Variants in REDIC1 observed in about 807,000 individuals in gnomAD.
The protein encoded by REDIC1 is HEI10 Interacting Protein 1.
the REDIC1 span, among the ~76,000 whole-genome samples, chr12:39,746,337 G>A: frequency 6.6e-6 from 1 of 152,186 alleles, no homozygotes; most frequent in East Asian, 1.9e-4. Context: ...CTCACTCATT[G>A]CTCACTGAGA....
the REDIC1 span, among the ~76,000 whole-genome samples, chr12:39,711,229 A>T: frequency 2.7e-3 from 401 of 149,540 alleles, no homozygotes; most frequent in African/African-American, 9.3e-3. Flanking sequence ...TTAATCTACC[A>T]TATATATATA....
chr12:39,646,865 A>C, the REDIC1 span: 1 of 1,599,468 alleles, frequency 6.3e-7, no homozygotes, highest in Non-Finnish European at 8.5e-7. Flanking sequence ...ACTAAGTAGC[A>C]AGGAAGATCT....
At chr12:39,739,577 G>A in the REDIC1 span, among the ~76,000 whole-genome samples, 602 of 152,248 alleles carry the variant, frequency 4.0e-3, 4 homozygotes, top group African/African-American at 0.014. Context: ...TTTTGGCTGG[G>A]ATGCTCAAGG....
chr12:39,633,711 T>C, the REDIC1 span, among the ~76,000 whole-genome samples: 1 of 152,174 alleles, frequency 6.6e-6, no homozygotes, highest in Non-Finnish European at 1.5e-5. Context: ...AATCACTAGA[T>C]GATAGGAAGG....
chr12:39,759,753 T>C, the REDIC1 span: 1 of 371,946 alleles, frequency 2.7e-6, no homozygotes, highest in Non-Finnish European at 4.9e-6. Context: ...GGGTACAATA[T>C]TCATTTTAGA....
chr12:39,797,740 A>G, the REDIC1 span, among the ~76,000 whole-genome samples: 172 of 131,474 alleles, frequency 1.3e-3, 2 homozygotes, highest in Middle Eastern at 8.2e-3. Flanking sequence ...ACACACACAC[A>G]CACACACACA....
chr12:39,675,805 C>T, the REDIC1 span, among the ~76,000 whole-genome samples: 1 of 152,142 alleles, frequency 6.6e-6, no homozygotes, highest in African/African-American at 2.4e-5. Flanking sequence ...TAGACATTAC[C>T]CAGCACCAAC....
At chr12:39,691,592 C>G in the REDIC1 span, among the ~76,000 whole-genome samples, 107 of 152,020 alleles carry the variant, frequency 7.0e-4, no homozygotes, top group Non-Finnish European at 1.3e-3. Flanking sequence ...AAATAAAGTA[C>G]AAATTACATA....
At chr12:39,880,044 A>ACT in the REDIC1 span, among the ~76,000 whole-genome samples, 7 of 150,618 alleles carry the variant, frequency 4.6e-5, no homozygotes, top group African/African-American at 7.3e-5. Flanking sequence ...CTCACCCTGC[A>ACT]CTCTCTCTCT....
At chr12:39,720,032 T>G in the REDIC1 span, among the ~76,000 whole-genome samples, 3 of 152,120 alleles carry the variant, frequency 2.0e-5, no homozygotes, top group Admixed American at 2.0e-4. Context: ...TTATATAAGA[T>G]TTTCATTAAA....
At chr12:39,627,366 G>A in the REDIC1 span, among the ~76,000 whole-genome samples, 1 of 152,262 alleles carries the variant, frequency 6.6e-6, no homozygotes, top group East Asian at 1.9e-4. Flanking sequence ...GTTGATACAT[G>A]CTTATAATGT....
At chr12:39,743,692 G>A in the REDIC1 span, among the ~76,000 whole-genome samples, 3 of 152,152 alleles carry the variant, frequency 2.0e-5, no homozygotes, top group Non-Finnish European at 4.4e-5. Context: ...AATGAAGAAT[G>A]CCTTTGACAA....
At chr12:39,712,946 TATAC>T in the REDIC1 span, among the ~76,000 whole-genome samples, 3 of 145,820 alleles carry the variant, frequency 2.1e-5, no homozygotes, top group East Asian at 6.1e-4. Flanking sequence ...TATACGTGTA[TATAC>T]ATATATGCAT....
At chr12:39,712,196 A>ATATATACCTGTATGTATATGTACATG in the REDIC1 span, among the ~76,000 whole-genome samples, 2 of 10,136 alleles carry the variant, frequency 2.0e-4, no homozygotes, top group Non-Finnish European at 4.1e-4. Context: ...ATATGTACAT[A>ATATATACCTGTATGTATATGTACATG]CATATATACA....
the REDIC1 span, among the ~76,000 whole-genome samples, chr12:39,651,198 T>A: frequency 6.6e-6 from 1 of 152,170 alleles, no homozygotes; most frequent in Non-Finnish European, 1.5e-5. Context: ...ATTATAATGA[T>A]ATACTGTTAA....
chr12:39,814,549 A>C, the REDIC1 span, among the ~76,000 whole-genome samples: 1 of 152,192 alleles, frequency 6.6e-6, no homozygotes, highest in Admixed American at 6.5e-5. Flanking sequence ...TTACAAACTG[A>C]AGAATGCTTT....
At chr12:39,840,024 C>T in the REDIC1 span, among the ~76,000 whole-genome samples, 1 of 151,214 alleles carries the variant, frequency 6.6e-6, no homozygotes, top group African/African-American at 2.4e-5. Flanking sequence ...ACTCTCCATT[C>T]TTTTTTTTTG....
At chr12:39,782,459 G>A in the REDIC1 span, among the ~76,000 whole-genome samples, 3 of 152,228 alleles carry the variant, frequency 2.0e-5, no homozygotes, top group East Asian at 1.9e-4. Context: ...CCGCCACCAC[G>A]TAAGATGTGC....
the REDIC1 span, among the ~76,000 whole-genome samples, chr12:39,896,227 T>C: frequency 2.7e-5 from 4 of 148,074 alleles, no homozygotes; most frequent in Non-Finnish European, 6.0e-5. Flanking sequence ...TATACATATA[T>C]GCATATGTGT....
Sources: gnomAD v4.1 joint callset for allele counts (sites outside exome capture counted in the v4.1 genomes callset) on GRCh38, gnomAD v4.1.1 for gene constraint, MANE v1.5 for transcripts, NCBI Gene and HGNC (gene_info 2026-07-23, HGNC 2026-07-21) for gene names.